Variants in ZBTB7C observed in about 807,000 individuals in gnomAD.
The protein encoded by ZBTB7C is zinc finger and BTB domain containing 7C.
In ZBTB7C, 8 loss-of-function variants were observed where a neutral mutation model predicts 25.7. The ratio of observed to expected loss-of-function variants is 0.31; its 90% confidence interval spans 0.18 to 0.56. The LOEUF (loss-of-function observed/expected upper bound fraction) is 0.56, where lower values mean the gene tolerates loss of function less well. ZBTB7C is among the 20% of genes least tolerant of loss of function. ZBTB7C has a pLI of 0.91. For synonymous variants in ZBTB7C, 394 were observed against 369.0 expected, an observed-to-expected ratio of 1.07 and a Z score of -0.78; for missense variants, 824 against 855.2, an observed-to-expected ratio of 0.96 and a Z score of 0.46.
intron 2 of ZBTB7C, among the ~76,000 whole-genome samples, chr18:48,224,293 C>A (rs2043033958): frequency 6.6e-6 from 1 of 152,132 alleles, no homozygotes; most frequent in Admixed American, 6.6e-5. Flanking sequence ...CATGAAGGTC[C>A]CAAATCTAGA....
chr18:48,037,259 T>C (rs116825978), intron 4 of ZBTB7C, among the ~76,000 whole-genome samples: 1 of 152,346 alleles, frequency 6.6e-6, no homozygotes, highest in South Asian at 2.1e-4. Context: ...TGGGGCCAGA[T>C]GGCCGTCATT....
intron 3 of ZBTB7C, among the ~76,000 whole-genome samples, chr18:48,057,050 C>CAAAAAA (rs11380205): frequency 4.7e-5 from 3 of 64,290 alleles, no homozygotes; most frequent in African/African-American, 1.2e-4. Context: ...GAAAAATTGT[C>CAAAAAA]AAAAAAAAAA....
chr18:48,376,365 G>GT, intron 1 of ZBTB7C, among the ~76,000 whole-genome samples: 1 of 152,358 alleles, frequency 6.6e-6, no homozygotes, highest in East Asian at 1.9e-4. Context: ...CAGCCACGCT[G>GT]TGTAGATGCC....
chr18:48,360,585 A>T (rs2145096274), intron 1 of ZBTB7C, among the ~76,000 whole-genome samples: 1 of 152,286 alleles, frequency 6.6e-6, no homozygotes, highest in South Asian at 2.1e-4. Context: ...CAGGGGAGGG[A>T]GAGAACACGG....
chr18:48,316,621 C>G (rs1598854554), intron 2 of ZBTB7C, among the ~76,000 whole-genome samples: 1 of 152,198 alleles, frequency 6.6e-6, no homozygotes, highest in Admixed American at 6.5e-5. Context: ...TTTTGAAAAG[C>G]CTGGCATCTC....
At chr18:48,077,751 G>A (rs2037827924) in intron 3 of ZBTB7C, among the ~76,000 whole-genome samples, 1 of 152,172 alleles carries the variant, frequency 6.6e-6, no homozygotes, top group Non-Finnish European at 1.5e-5. Flanking sequence ...CTCACCATCT[G>A]AGTTGGGTCT....
chr18:48,053,910 A>G (rs1313281195), intron 3 of ZBTB7C, among the ~76,000 whole-genome samples: 5 of 152,224 alleles, frequency 3.3e-5, no homozygotes, highest in African/African-American at 4.8e-5. Context: ...GAGGCCCCCA[A>G]GCAGCCAGGG....
chr18:48,357,998 T>A (rs2047015297), intron 1 of ZBTB7C, among the ~76,000 whole-genome samples: 1 of 152,146 alleles, frequency 6.6e-6, no homozygotes, highest in Non-Finnish European at 1.5e-5. Flanking sequence ...CTTAGTGCCA[T>A]CCCCTTGGTG....
intron 1 of ZBTB7C, among the ~76,000 whole-genome samples, chr18:48,404,310 G>T (rs1002121428): frequency 3.3e-4 from 50 of 152,134 alleles, no homozygotes; most frequent in Middle Eastern, 3.2e-3. Flanking sequence ...GTTATGGGAA[G>T]ATCTGAAGGA....
chr18:48,101,748 T>C (rs918469061), intron 3 of ZBTB7C, among the ~76,000 whole-genome samples: 4 of 152,362 alleles, frequency 2.6e-5, no homozygotes, highest in Middle Eastern at 3.4e-3. Context: ...CCAACCGGTA[T>C]GGACTCAGCA....
intron 2 of ZBTB7C, among the ~76,000 whole-genome samples, chr18:48,315,802 T>C (rs1359766796): frequency 6.6e-6 from 1 of 152,206 alleles, no homozygotes; most frequent in Non-Finnish European, 1.5e-5. Context: ...GCTCTGATAC[T>C]TAGGGGTCTC....
In ZBTB7C at chr18:48,344,494, A is replaced by G. The variant is rs1197672767; in HGVS notation, c.-303-6096T>C. 2.0e-5 allele frequency among the ~76,000 whole-genome samples: 3 copies of G among 152,162 alleles called. No homozygotes were observed. In the East Asian group the frequency reaches 5.8e-4, roughly 29 times the overall value. The stretch of plus-strand genomic sequence containing the variant: ...GAGTGGAGGACGTCCTGGCACGTGT[A>G]TGGTGAGGGGAAGGGGAAAGGGGGA... On this transcript the variant is annotated intron_variant, in intron 1 of 4. Coordinates refer to ENST00000590800, the MANE Select transcript of ZBTB7C (RefSeq NM_001318841.2).
intron 3 of ZBTB7C, among the ~76,000 whole-genome samples, chr18:48,160,075 G>C (rs2040956019): frequency 6.6e-6 from 1 of 152,158 alleles, no homozygotes; most frequent in South Asian, 2.1e-4. Flanking sequence ...GCTCATGCTC[G>C]GACCCACCTC....
intron 3 of ZBTB7C, chr18:48,165,100 T>A (rs1238669897): frequency 7.8e-7 from 1 of 1,287,714 alleles, no homozygotes; most frequent in East Asian, 5.6e-5. Flanking sequence ...CAAGTATGGT[T>A]ACAAAATCCC....
intron 2 of ZBTB7C, among the ~76,000 whole-genome samples, chr18:48,271,580 ATATT>A (rs1426340166): frequency 4.0e-5 from 6 of 148,264 alleles, no homozygotes; most frequent in Non-Finnish European, 7.4e-5. Context: ...ATAAGGTATT[ATATT>A]TATTTAATAT....
At chr18:48,313,150 A>G (rs2071033343) in intron 2 of ZBTB7C, among the ~76,000 whole-genome samples, 1 of 152,230 alleles carries the variant, frequency 6.6e-6, no homozygotes, top group Admixed American at 6.5e-5. Flanking sequence ...GAGTTATCCA[A>G]GATGACACAG....
chr18:48,201,491 C>T (rs1162707955), intron 2 of ZBTB7C, among the ~76,000 whole-genome samples: 1 of 152,132 alleles, frequency 6.6e-6, no homozygotes, highest in Non-Finnish European at 1.5e-5. Flanking sequence ...CATGCTCTGA[C>T]AAGTTCTTGA....
At chr18:48,393,332 T>C (rs1250347028) in intron 1 of ZBTB7C, among the ~76,000 whole-genome samples, 9 of 147,094 alleles carry the variant, frequency 6.1e-5, no homozygotes. Flanking sequence ...GCAGGGAAGG[T>C]GAAGCTAGAT....
chr18:48,268,930 T>G (rs548868974), intron 2 of ZBTB7C, among the ~76,000 whole-genome samples: 1 of 151,960 alleles, frequency 6.6e-6, no homozygotes, highest in African/African-American at 2.4e-5. Context: ...CCAGCAGATT[T>G]GATGTCTAGT....
Sources: allele counts gnomAD v4.1 joint callset (sites outside exome capture counted in the v4.1 genomes callset), GRCh38; gene constraint gnomAD v4.1.1; transcripts MANE v1.5; gene names NCBI Gene and HGNC (gene_info 2026-07-23, HGNC 2026-07-21).